Variants in SNCG observed in about 807,000 individuals in gnomAD.
SNCG encodes synuclein gamma.
In SNCG, 13 loss-of-function variants were observed where a neutral mutation model predicts 16.0. The ratio of observed to expected loss-of-function variants is 0.81; its 90% CI spans 0.53 to 1.29. SNCG has a LOEUF of 1.29. SNCG is among the 50% of genes most tolerant of loss of function. The probability of loss-of-function intolerance (pLI) is 0.00; values close to 1 mark genes in which losing one functional copy is unlikely to be tolerated. For synonymous variants in SNCG, 66 were observed against 66.3 expected, an observed-to-expected ratio of 1.00 and a Z score of 0.02; for missense variants, 154 against 168.5, an observed-to-expected ratio of 0.91 and a Z score of 0.48.
At chr10:86,957,546 G>A, upstream of SNCG, 1 of 1,604,818 alleles carries the variant, frequency 6.2e-7, no homozygotes. Flanking sequence ...GATCATCTTG[G>A]TGGTGGGGCA....
At chr10:86,960,621 G>A (rs1168406439) in intron 3 of SNCG, among the ~76,000 whole-genome samples, 1 of 152,200 alleles carries the variant, frequency 6.6e-6, no homozygotes, top group African/African-American at 2.4e-5. Context: ...AAGCAGTGCT[G>A]CTTCTGACCC....
chr10:86,955,996 G>C (rs1844218693), upstream of SNCG, among the ~76,000 whole-genome samples: 1 of 152,170 alleles, frequency 6.6e-6, no homozygotes, highest in African/African-American at 2.4e-5. Flanking sequence ...TGGGGAGGAA[G>C]AGGAGCAGCT....
At position 86,958,802 on chromosome 10, in the gene SNCG, G is replaced by A. The variant is rs1413407484; in HGVS notation, c.105G>A (p.Glu35=). Residue 35 remains glutamate (E), a synonymous_variant, in exon 1 of 5, where the codon GAG becomes GAA. Coordinates refer to ENST00000372017, the MANE Select transcript of SNCG (RefSeq NM_003087.3). Reference sequence around the variant, plus strand: ...CGGAAGCAGCTGAGAAGACCAAGGAGGGGGTCATGTATGTGGGTAAGTGGG... The same window carrying A: ...CGGAAGCAGCTGAGAAGACCAAGGAAGGGGTCATGTATGTGGGTAAGTGGG... The part of the protein sequence containing the change: ...GVTEAAEKTK[E]GVMYVGAKTK... The A allele has an allele frequency of 8.1e-6, 13 of 1,610,058 alleles. No homozygotes were observed. Among genetic ancestry groups the A allele is most frequent in the Non-Finnish European group, 1.1e-5 (13 of 1,178,004 alleles).
At chr10:86,957,623 A>C, upstream of SNCG, 1 of 1,482,204 alleles carries the variant, frequency 6.7e-7, no homozygotes, top group African/African-American at 1.4e-5. Flanking sequence ...CTTCAAGTTA[A>C]ATCTCAGGAG....
At chr10:86,958,497 T>TACCAACCAAACAA, upstream of SNCG, 1 of 1,098,144 alleles carries the variant, frequency 9.1e-7, no homozygotes, top group Non-Finnish European at 1.2e-6. Flanking sequence ...TGAACCTCCT[T>TACCAACCAAACAA]CCCTCCCTCC....
Position 86,958,644 on chromosome 10 carries a change from G to T in SNCG, c.-54G>T, listed in dbSNP as rs1484231763. On this transcript the variant is annotated 5_prime_UTR_variant, in exon 1 of 5. Coordinates refer to ENST00000372017, the MANE Select transcript of SNCG (RefSeq NM_003087.3). ...TCGAGCCAGCTCAAGCCCGCAGCTC[G>T]CAGGGAGATCCAGCTCCGTCCTGCC... is the stretch of plus-strand genomic sequence containing the variant. 6.2e-7 allele frequency: 1 copy of T among 1,610,608 alleles called. No homozygotes were observed.
In SNCG at chr10:86,962,594, T is replaced by C. The variant is rs925180063; in HGVS notation, c.292-10T>C. 8.1e-6 allele frequency: 13 copies of C among 1,606,026 alleles called. No individual in the cohort carries two copies. The highest frequency in any genetic ancestry group is 1.1e-5 in the Non-Finnish European group (13 of 1,174,644). ...CCACATGGTCTCATGCCCCCTTTTG[T>C]CCCCTACAGGAGGACTTGAGGCCAT... On this transcript the variant is annotated splice_polypyrimidine_tract_variant and intron_variant, in intron 3 of 4. Coordinates refer to ENST00000372017, the MANE Select transcript of SNCG (RefSeq NM_003087.3).
rs1398880485 is a variant in SNCG, at chr10:86,959,904, G to T, written c.164-97G>T. ...GCAGGGGAGGGTCCCAGCAGGGCCA[G>T]GGCTCTGAGCTCCTGGGAAGGGGCT... On this transcript the variant is annotated intron_variant, in intron 2 of 4. Coordinates refer to ENST00000372017, the MANE Select transcript of SNCG (RefSeq NM_003087.3). This position sits in a 1 kb window ranked among gnomAD's most constrained non-coding sequence, Gnocchi z 4.3. 1.3e-6 allele frequency: 2 copies of T among 1,528,950 alleles called. No individual in the cohort carries two copies. Among genetic ancestry groups the T allele is most frequent in the Non-Finnish European group, 1.8e-6 (2 of 1,133,128 alleles). The allele number at this position is 1,528,950 out of a possible 1,614,324, so 94.7% of individuals were successfully genotyped here.
At chr10:86,961,696 A>C (rs2133697434) in intron 3 of SNCG, among the ~76,000 whole-genome samples, 1 of 151,546 alleles carries the variant, frequency 6.6e-6, no homozygotes. Context: ...GACCACTCAT[A>C]CCCCTGGCCT....
upstream of SNCG, chr10:86,957,731 A>C (rs919392148): frequency 5.4e-5 from 73 of 1,349,416 alleles, no homozygotes; most frequent in Non-Finnish European, 7.0e-5. Flanking sequence ...CTGGCCCCAC[A>C]GGGGCCGCCA....
In SNCG at chr10:86,959,901, C is replaced by T; in HGVS notation, c.164-100C>T. The T allele has an allele frequency of 2.0e-6, 3 of 1,525,750 alleles. No individual in the cohort carries two copies. Among genetic ancestry groups the T allele is most frequent in the Non-Finnish European group, 2.7e-6 (3 of 1,131,012 alleles). The allele number at this position is 1,525,750 out of a possible 1,614,324, so 94.5% of individuals were successfully genotyped here. On this transcript the variant is annotated intron_variant, in intron 2 of 4. Coordinates refer to ENST00000372017, the MANE Select transcript of SNCG (RefSeq NM_003087.3). The surrounding 1 kb of genome is among the most constrained non-coding windows in gnomAD (Gnocchi z 4.3). ...GGAGCAGGGGAGGGTCCCAGCAGGG[C>T]CAGGGCTCTGAGCTCCTGGGAAGGG...
At chr10:86,957,703 GC>G (rs1205709087), upstream of SNCG, 2 of 1,313,928 alleles carry the variant, frequency 1.5e-6, no homozygotes, top group Non-Finnish European at 1.0e-6. Flanking sequence ...GTCTTGTCCT[GC>G]CCCCCAACTA....
chr10:86,956,082 C>T (rs1589308860), upstream of SNCG, among the ~76,000 whole-genome samples: 1 of 152,118 alleles, frequency 6.6e-6, no homozygotes, highest in South Asian at 2.1e-4. Context: ...GAGACTAAGG[C>T]GTGGAGCTTC....
chr10:86,956,830 A>T (rs1328874769), upstream of SNCG, among the ~76,000 whole-genome samples: 1 of 152,190 alleles, frequency 6.6e-6, no homozygotes, highest in African/African-American at 2.4e-5. Flanking sequence ...GTACACATAG[A>T]ATGTTGGAAA....
Position 86,959,799 on chromosome 10 carries a change from C to T in SNCG, c.163+125C>T. ...AACTGGGGTCCCAAGCCCTACAGAC[C>T]CCTGCAGACCATGAGGCTAAACTAG... is the stretch of plus-strand genomic sequence containing the variant. On this transcript the variant is annotated intron_variant, in intron 2 of 4. Transcript: ENST00000372017. This position sits in a 1 kb window ranked among gnomAD's most constrained non-coding sequence, Gnocchi z 4.3. 8.0e-7 allele frequency: 1 copy of T among 1,242,542 alleles called. No individual in the cohort carries two copies. Among genetic ancestry groups the T allele is most frequent in the South Asian group, 1.5e-5 (1 of 66,432 alleles). 77.0% of individuals were successfully genotyped at this position (1,242,542 alleles called of 1,614,324 possible). A position where few individuals can be genotyped will look rare whatever the true frequency, so the allele number is the denominator to read the frequency against.
chr10:86,962,736 A>C (rs890434218), intron 4 of SNCG, 61 bp downstream of exon 4: 26 of 1,394,664 alleles, frequency 1.9e-5, no homozygotes, highest in Middle Eastern at 1.9e-4. Context: ...CCCATCCCCC[A>C]CAGACGCACT....
chr10:86,961,882 G>T (rs1050882029), intron 3 of SNCG, among the ~76,000 whole-genome samples: 5 of 152,180 alleles, frequency 3.3e-5, no homozygotes, highest in African/African-American at 4.8e-5. Flanking sequence ...CCCGTCCCCC[G>T]CCAGAGGCAG....
In SNCG at chr10:86,959,246, A is replaced by G; in HGVS notation, c.122-387A>G. 2.7e-6 allele frequency: 1 copy of G among 364,818 alleles called. No homozygotes were observed. Among genetic ancestry groups the G allele is most frequent in the South Asian group, 4.3e-5 (1 of 23,464 alleles). The allele number at this position is 364,818 out of a possible 1,614,324, so 22.6% of individuals were successfully genotyped here. ...AGGCTGGGGGATGAAACCTAGGCTC[A>G]GTGTTCCCTCCCCCGCATCCTCTCC... On this transcript the variant is annotated intron_variant, in intron 1 of 4. Coordinates refer to ENST00000372017, the MANE Select transcript of SNCG (RefSeq NM_003087.3). This position sits in a 1 kb window ranked among gnomAD's most constrained non-coding sequence, Gnocchi z 4.3.
rs749641700 is a variant in SNCG at position 86,962,613 on chromosome 10, A to C, written c.301A>C (p.Arg101=). ...TSGVVRKEDL[R]PSAPQQEGEA... is the part of the protein sequence containing the mutation. ...CTTTTGTCCCCTACAGGAGGACTTG[A>C]GGCCATCTGCCCCCCAACAGGAGGG... The change falls in exon 4 of 5, where the codon AGG becomes CGG. Residue 101 remains arginine, a synonymous_variant. Transcript: ENST00000372017. 2.4e-5 allele frequency: 39 copies of C among 1,611,970 alleles called. No individual in the cohort carries two copies. Among genetic ancestry groups the C allele is most frequent in the Non-Finnish European group, 3.1e-5 (37 of 1,178,994 alleles).
Sources: allele counts gnomAD v4.1 joint callset (sites outside exome capture counted in the v4.1 genomes callset), GRCh38; gene constraint gnomAD v4.1.1; non-coding constraint Gnocchi (gnomAD v3.1); transcripts MANE v1.5; gene names NCBI Gene and HGNC (gene_info 2026-07-23, HGNC 2026-07-21).